PAX2: variants seen among roughly 807,000 people sequenced by gnomAD.
The protein encoded by PAX2 is paired box 2.
A neutral mutation model predicts 41.7 loss-of-function variants in PAX2; 9 were observed. The observed-to-expected ratio is 0.22, with a 90% CI of 0.13 to 0.38. The LOEUF (loss-of-function observed/expected upper bound fraction) is 0.38. Among genes scored for constraint, PAX2 ranks in the 10% least tolerant of loss-of-function variants. The pLI is 1.00. For missense variants in PAX2, 418 were observed against 531.6 expected (o/e 0.79, Z 2.10); for synonymous variants, 221 against 212.7 (o/e 1.04, Z -0.34).
At chr10:100,790,344 C>G (rs1368813481) in intron 5 of PAX2, among the ~76,000 whole-genome samples, 1 of 152,118 alleles carries the variant, frequency 6.6e-6, no homozygotes, top group Non-Finnish European at 1.5e-5. Flanking sequence ...TACTCCTGCC[C>G]AGCTCCATGT....
intron 3 of PAX2, among the ~76,000 whole-genome samples, chr10:100,760,492 G>A (rs559005922): frequency 1.3e-5 from 2 of 152,282 alleles, no homozygotes; most frequent in East Asian, 3.9e-4. Flanking sequence ...GGATGTGAAC[G>A]CTTATGAGTA....
chr10:100,739,748 C>T (rs1844889428), intron 1 of PAX2, among the ~76,000 whole-genome samples: 1 of 152,232 alleles, frequency 6.6e-6, no homozygotes, highest in African/African-American at 2.4e-5. Context: ...GTGGAGGTAA[C>T]GCCGGGGACG....
intron 3 of PAX2, among the ~76,000 whole-genome samples, chr10:100,762,247 C>T (rs1845867244): frequency 6.6e-6 from 1 of 151,702 alleles, no homozygotes; most frequent in Non-Finnish European, 1.5e-5. Context: ...GGGTCAAGGG[C>T]CTGGATTTCT....
chr10:100,744,438 C>T (rs1164940945), upstream of PAX2, among the ~76,000 whole-genome samples: 1 of 152,242 alleles, frequency 6.6e-6, no homozygotes, highest in Non-Finnish European at 1.5e-5. Flanking sequence ...AGTTAGGAGA[C>T]AAAGGGCTTC....
chr10:100,809,324 G>A, intron 7 of PAX2, 88 bp downstream of exon 7: 1 of 1,243,770 alleles, frequency 8.0e-7, no homozygotes, highest in Non-Finnish European at 1.2e-6. Flanking sequence ...TGAGGAGCAG[G>A]TCCCCCACCG....
At chr10:100,786,459 A>G (rs1276385578) in intron 5 of PAX2, among the ~76,000 whole-genome samples, 2 of 152,204 alleles carry the variant, frequency 1.3e-5, no homozygotes, top group Non-Finnish European at 2.9e-5. Flanking sequence ...TGGAAAATGT[A>G]TGTTTGTTTT....
intron 3 of PAX2, among the ~76,000 whole-genome samples, chr10:100,758,242 G>A (rs1239165255): frequency 1.3e-5 from 2 of 151,462 alleles, no homozygotes; most frequent in South Asian, 2.1e-4. Context: ...CCGGGTTCAC[G>A]CCATTCTCCT....
At chr10:100,751,821 A>G (rs1222366035) in intron 3 of PAX2, among the ~76,000 whole-genome samples, 1 of 152,152 alleles carries the variant, frequency 6.6e-6, no homozygotes, top group Non-Finnish European at 1.5e-5. Context: ...AGAACTGTAC[A>G]AACTGACAGT....
Position 100,827,778 on chromosome 10 carries a change from A to C in PAX2, c.*159A>C. Reference sequence around the variant, plus strand: ...TCCCACGACCCCCGCAACCCTTCACATCACCCCCCTCGAAGGTCGGACAGG... The same window carrying C: ...TCCCACGACCCCCGCAACCCTTCACCTCACCCCCCTCGAAGGTCGGACAGG... On this transcript the variant is annotated 3_prime_UTR_variant, in exon 10 of 10. Transcript: ENST00000355243. This position sits in a 1 kb window ranked among gnomAD's most constrained non-coding sequence, Gnocchi z 8.5. The C allele has an allele frequency of 2.2e-5, 23 of 1,069,448 alleles. No individual in the cohort carries two copies. The highest frequency in any genetic ancestry group is 2.6e-5 in the East Asian group (1 of 38,990). 66.2% of individuals were successfully genotyped at this position (1,069,448 alleles called of 1,614,324 possible).
Position 100,816,741 on chromosome 10 carries a change from C to T in PAX2, c.919+7505C>T, listed in dbSNP as rs549919152. ...ACCCTGAGCTTTGGGAGACAAGCTCCGCCACTATTGTCACTTCTGAGAGGG... is the reference window on the plus strand; with the variant it reads ...ACCCTGAGCTTTGGGAGACAAGCTCTGCCACTATTGTCACTTCTGAGAGGG... On this transcript the variant is annotated intron_variant, in intron 7 of 9. Transcript: ENST00000355243. Among the ~76,000 whole-genome samples, 10 of 152,282 alleles carry T rather than the reference C, an allele frequency of 6.6e-5. No individual in the cohort carries two copies. In the East Asian group the frequency reaches 1.2e-3, roughly 18 times the overall value.
At chr10:100,783,719 G>A (rs1054008965) in intron 5 of PAX2, among the ~76,000 whole-genome samples, 1 of 147,440 alleles carries the variant, frequency 6.8e-6, no homozygotes, top group Non-Finnish European at 1.5e-5. Context: ...GACAGGAGCA[G>A]GGCTGGGTTT....
chr10:100,825,370 C>T (rs894354732), intron 8 of PAX2, among the ~76,000 whole-genome samples: 1 of 152,096 alleles, frequency 6.6e-6, no homozygotes, highest in African/African-American at 2.4e-5. Context: ...TCCATTGCTT[C>T]CCTGGGGCTC....
intron 5 of PAX2, among the ~76,000 whole-genome samples, chr10:100,790,906 A>G (rs903009920): frequency 6.6e-6 from 1 of 152,168 alleles, no homozygotes; most frequent in African/African-American, 2.4e-5. Context: ...TGCGAGACAG[A>G]TCACGAGCCT....
At chr10:100,767,830 T>G (rs1188219170) in intron 3 of PAX2, among the ~76,000 whole-genome samples, 3 of 152,160 alleles carry the variant, frequency 2.0e-5, no homozygotes, top group Admixed American at 6.5e-5. Flanking sequence ...GACACTTTTT[T>G]GGGGAGGGGG....
intron 7 of PAX2, among the ~76,000 whole-genome samples, chr10:100,814,088 C>T (rs1274332667): frequency 6.6e-6 from 1 of 152,142 alleles, no homozygotes; most frequent in East Asian, 1.9e-4. Context: ...GTGGCTCACG[C>T]CTGTAATCCC....
chr10:100,792,278 C>T (rs1179244287), intron 5 of PAX2, among the ~76,000 whole-genome samples: 1 of 152,192 alleles, frequency 6.6e-6, no homozygotes, highest in Non-Finnish European at 1.5e-5. Context: ...TGGGTTCGTG[C>T]GTGTGTGCAC....
intron 5 of PAX2, among the ~76,000 whole-genome samples, chr10:100,803,804 C>T (rs927249223): frequency 1.1e-4 from 16 of 151,988 alleles, no homozygotes; most frequent in Admixed American, 9.8e-4. Flanking sequence ...AGCAGGCTTC[C>T]TTAGCCTTTG....
rs752477097 is a variant in PAX2 at position 100,824,963 on chromosome 10, G to T, written c.1021+214G>T. The T allele has an allele frequency of 1.2e-6, 2 of 1,613,990 alleles. No individual in the cohort carries two copies. Among genetic ancestry groups the T allele is most frequent in the Non-Finnish European group, 1.7e-6 (2 of 1,179,962 alleles). On this transcript the variant is annotated intron_variant, in intron 8 of 9. Coordinates refer to ENST00000355243, the MANE Select transcript of PAX2 (RefSeq NM_000278.5). This position sits in a 1 kb window ranked among gnomAD's most constrained non-coding sequence, Gnocchi z 6.6. ...AGCCGGGGAGGAAGCTTGCAGAAGT[G>T]CCCCCTTGTGTGCAACCCACTGTAT...
chr10:100,780,463 T>C (rs1846573775), intron 4 of PAX2, among the ~76,000 whole-genome samples: 1 of 152,092 alleles, frequency 6.6e-6, no homozygotes, highest in Non-Finnish European at 1.5e-5. Context: ...CAGCAGGTAA[T>C]AGAAATGACT....
Sources: gnomAD v4.1 joint callset for allele counts (sites outside exome capture counted in the v4.1 genomes callset) on GRCh38, gnomAD v4.1.1 for gene constraint, Gnocchi (gnomAD v3.1) non-coding constraint, MANE v1.5 for transcripts, NCBI Gene and HGNC (gene_info 2026-07-23, HGNC 2026-07-21) for gene names.